The following NSD1 variants were observed in gnomAD, a reference collection of about 807,000 sequenced individuals.
NSD1 encodes the protein histone-lysine N-methyltransferase, H3 lysine-36 specific.
A neutral mutation model predicts 242.7 loss-of-function variants in NSD1; 26 were observed. That is an observed-to-expected ratio of 0.11 (90% confidence interval 0.08 to 0.15). The LOEUF (loss-of-function observed/expected upper bound fraction) is 0.15. NSD1 is among the 10% of genes least tolerant of loss of function. The pLI, the probability that NSD1 is intolerant of heterozygous loss-of-function variation, is 1.00. For missense variants in NSD1, 2,495 were observed against 3,272.8 expected (o/e 0.76, Z 5.80); for synonymous variants, 1,106 against 1,178.1 (o/e 0.94, Z 1.25).
chr5:177,276,132 G>A lies in NSD1; in HGVS notation c.5622+2348G>A, dbSNP rs192400992. Among the ~76,000 whole-genome samples, 436 of 152,160 alleles carry A rather than the reference G, an allele frequency of 2.9e-3. 7 individuals carry two copies. Among genetic ancestry groups the A allele is most frequent in the East Asian group, 1.4e-3 (7 of 5,168 alleles). ...TTTTGTAGAGTTGGGGTTTCACCATGTTGCCCAGGCTGGTCCTGAACTCCT... is the reference window on the plus strand; with the variant it reads ...TTTTGTAGAGTTGGGGTTTCACCATATTGCCCAGGCTGGTCCTGAACTCCT... On this transcript the variant is annotated intron_variant, in intron 17 of 22. Coordinates refer to ENST00000439151, the MANE Select transcript of NSD1 (RefSeq NM_022455.5).
At chr5:177,140,037 ATATTT>A (rs1385222981) in intron 2 of NSD1, among the ~76,000 whole-genome samples, 1 of 152,054 alleles carries the variant, frequency 6.6e-6, no homozygotes, top group Non-Finnish European at 1.5e-5. Context: ...AAGAAGGGTC[ATATTT>A]TCTGTTATTT....
intron 2 of NSD1, among the ~76,000 whole-genome samples, chr5:177,182,332 C>CA (rs1292188163): frequency 6.6e-6 from 1 of 152,064 alleles, no homozygotes; most frequent in Admixed American, 6.6e-5. Context: ...CAAAAACAAA[C>CA]AAACAAAAAA....
rs1760464508 is a variant in NSD1 at position 177,299,643 on chromosome 5, G to A, written c.*4184G>A. On this transcript the variant is annotated 3_prime_UTR_variant, in exon 23 of 23. Transcript: ENST00000439151. ...AGAAATCCACAACCTCGGAAGAAGT[G>A]TTTCGAGTTTAACATGCGCTGTTTC... 1 of 233,180 alleles carries A rather than the reference G, an allele frequency of 4.3e-6. No homozygotes were observed. The highest frequency in any genetic ancestry group is 6.0e-5 in the East Asian group (1 of 16,610). 14.4% of individuals were successfully genotyped at this position (233,180 alleles called of 1,614,324 possible).
intron 17 of NSD1, among the ~76,000 whole-genome samples, chr5:177,274,697 TTGTGTGTGTG>T (rs138385964): frequency 1.5e-4 from 22 of 145,444 alleles, no homozygotes; most frequent in Middle Eastern, 3.5e-3. Flanking sequence ...CACTTATCCT[TTGTGTGTGTG>T]TGTGTGTGTG....
chr5:177,248,334 T>C lies in NSD1; in HGVS notation c.4641+10T>C. On this transcript the variant is annotated intron_variant, in intron 11 of 22. Coordinates refer to ENST00000439151, the MANE Select transcript of NSD1 (RefSeq NM_022455.5). ...GGAGAATGTCTGTCAGGTAGAGAAA[T>C]GTTTGCCCACTTGTGTTTTCATTGC... The C allele has an allele frequency of 1.9e-6, 3 of 1,612,818 alleles. No individual in the cohort carries two copies. Among genetic ancestry groups the C allele is most frequent in the African/African-American group, 2.7e-5 (2 of 75,008 alleles).
At position 177,210,579 on chromosome 5, in the gene NSD1, A is replaced by T. The variant is rs545241994; in HGVS notation, c.2180A>T (p.Gln727Leu). ...KSAEPGTETS[Q>L]VNLSDLKAST... ...GCAGAGCCTGGAACCGAGACGTCTC[A>T]GGTTAATCTCTCTGATCTGAAGGCA... Residue 727 changes from glutamine to leucine, a missense_variant, in exon 5 of 23, where the codon CAG becomes CTG. Gln to Leu is a moderately radical substitution (Grantham distance 113, BLOSUM62 -2). Around this residue, in one of 19 missense-constraint regions of NSD1, gnomAD observed 515 missense variants for 467.0 expected, o/e 1.10. Transcript: ENST00000439151. 9.9e-6 allele frequency: 16 copies of T among 1,614,148 alleles called. No homozygotes were observed. In the South Asian group the frequency reaches 1.5e-4, roughly 16 times the overall value.
At chr5:177,266,105 G>A in intron 14 of NSD1, 1 of 1,124,096 alleles carries the variant, frequency 8.9e-7, no homozygotes, top group Non-Finnish European at 1.4e-6. Context: ...ATACAGTGTG[G>A]CCCGTTCTGG....
chr5:177,267,055 G>T (rs1757548594), intron 14 of NSD1, among the ~76,000 whole-genome samples: 1 of 152,190 alleles, frequency 6.6e-6, no homozygotes, highest in South Asian at 2.1e-4. Flanking sequence ...AGGGGGTTTC[G>T]CCCTGTTGGC....
At position 177,135,988 on chromosome 5, in the gene NSD1, A is replaced by G. The variant is rs749198688; in HGVS notation, c.885A>G (p.Leu295=). 6.2e-7 allele frequency: 1 copy of G among 1,614,134 alleles called. No homozygotes were observed. Among genetic ancestry groups the G allele is most frequent in the Non-Finnish European group, 8.5e-7 (1 of 1,180,030 alleles). The change falls in exon 2 of 23, where the codon TTA becomes TTG. Residue 295 remains leucine, a synonymous_variant. Transcript: ENST00000439151. ...GTACATTAGGAAACATGCTAGAATT[A>G]CCTGGAACTTCATCATCATCTACTT... ...STSTLGNMLE[L]PGTSSSSTSQ...
At chr5:177,154,915 C>G (rs377475790) in intron 2 of NSD1, among the ~76,000 whole-genome samples, 9 of 151,762 alleles carry the variant, frequency 5.9e-5, no homozygotes, top group African/African-American at 2.2e-4. Flanking sequence ...AGGCTGGTCT[C>G]GAACTCCTGA....
Position 177,244,270 on chromosome 5 carries a change from G to A in NSD1, c.4378G>A (p.Gly1460Ser). Residue 1460 changes from glycine (G) to serine (S), a missense_variant and splice_region_variant, in exon 9 of 23, where the codon GGC (glycine) becomes AGC (serine). Gly to Ser is a moderately conservative substitution (Grantham distance 56). Coordinates refer to ENST00000439151, the MANE Select transcript of NSD1 (RefSeq NM_022455.5). ...ATCTTATTCAAAAGATTTTGGTGGA[G>A]GTGAGTATTTTTGAGATTTAAAAAA... is the stretch of plus-strand genomic sequence containing the variant. ...ATSYSKDFGG[G>S]TTKIFDKPRK... 6.2e-7 allele frequency: 1 copy of A among 1,610,098 alleles called. No homozygotes were observed. Among genetic ancestry groups the A allele is most frequent in the Non-Finnish European group, 8.5e-7 (1 of 1,176,534 alleles).
chr5:177,227,531 C>G (rs1378546059), intron 5 of NSD1, among the ~76,000 whole-genome samples: 3 of 152,072 alleles, frequency 2.0e-5, no homozygotes, highest in Non-Finnish European at 4.4e-5. Context: ...ACTGCAACCT[C>G]CGCCTCCCGG....
chr5:177,248,459 A>G lies in NSD1; in HGVS notation c.4641+135A>G. ...GATTCCAGTGGAGTCACTTTCTTTA[A>G]GGATTTGACCCCTTTTTTTCTCCCC... On this transcript the variant is annotated intron_variant, in intron 11 of 22. Transcript: ENST00000439151. The G allele has an allele frequency of 5.0e-6, 6 of 1,189,970 alleles. No homozygotes were observed. The South Asian group carries it at 7.9e-5, about 16-fold the overall frequency. 73.7% of individuals were successfully genotyped at this position (1,189,970 alleles called of 1,614,324 possible).
chr5:177,283,946 A>T lies in NSD1; in HGVS notation c.6151+18A>T. 3 of 1,614,102 alleles carry T rather than the reference A, an allele frequency of 1.9e-6. No individual in the cohort carries two copies. The highest frequency in any genetic ancestry group is 3.3e-5 in the Admixed American group (2 of 60,024). ...TAAAGCAGGTAAGAATCATTTCAGG[A>T]TTCTGCAGCTGACATCTGAATTTCA... is the stretch of plus-strand genomic sequence containing the variant. On this transcript the variant is annotated intron_variant, in intron 20 of 22. Coordinates refer to ENST00000439151, the MANE Select transcript of NSD1 (RefSeq NM_022455.5).
In NSD1 at chr5:177,296,142, C is replaced by T. The variant is rs1271958944; in HGVS notation, c.*683C>T. The T allele has an allele frequency of 4.1e-6, 1 of 244,672 alleles. No individual in the cohort carries two copies. The highest frequency in any genetic ancestry group is 8.1e-6 in the Non-Finnish European group (1 of 124,100). The allele number at this position is 244,672 out of a possible 1,614,324, so 15.2% of individuals were successfully genotyped here. ...GGGTGCGTGTGCATGCGCGCACACT[C>T]ACAGAGGTCTCCTCTATAGATGCAA... On this transcript the variant is annotated 3_prime_UTR_variant, in exon 23 of 23. Coordinates refer to ENST00000439151, the MANE Select transcript of NSD1 (RefSeq NM_022455.5).
At chr5:177,192,774 G>A (rs181954331) in intron 3 of NSD1, among the ~76,000 whole-genome samples, 195 of 152,178 alleles carry the variant, frequency 1.3e-3, no homozygotes, top group African/African-American at 4.6e-3. Flanking sequence ...GAGGTGATCC[G>A]CCCGCCTTAG....
Position 177,207,580 on chromosome 5 carries a change from C to T in NSD1, c.1237-2056C>T, listed in dbSNP as rs921167997. Among the ~76,000 whole-genome samples the T allele has an allele frequency of 1.1e-4, 15 of 132,316 alleles. 1 individual carries two copies. Among genetic ancestry groups the T allele is most frequent in the African/African-American group, 5.1e-4 (15 of 29,322 alleles). The allele number at this position is 132,316 out of a possible 152,430, so 86.8% of individuals were successfully genotyped here. On this transcript the variant is annotated intron_variant, in intron 4 of 22. Transcript: ENST00000439151. Reference sequence around the variant, plus strand: ...TGCAGGCGTGAGCCACCGTGCCTGGCCTATTTATTTAAATTTTTTTTTTTT... The same window carrying T: ...TGCAGGCGTGAGCCACCGTGCCTGGTCTATTTATTTAAATTTTTTTTTTTT...
At chr5:177,285,661 G>C (rs1331784656) in intron 20 of NSD1, among the ~76,000 whole-genome samples, 1 of 151,174 alleles carries the variant, frequency 6.6e-6, no homozygotes, top group East Asian at 1.9e-4. Context: ...GCAAGGATAT[G>C]AGCAAAACAG....
At chr5:177,229,882 T>G (rs1303902090) in intron 5 of NSD1, 3 of 224,532 alleles carry the variant, frequency 1.3e-5, no homozygotes, top group Non-Finnish European at 2.8e-5. Context: ...TAGCTGCAAC[T>G]ACAGGTATGC....
Sources: allele counts gnomAD v4.1 joint callset (sites outside exome capture counted in the v4.1 genomes callset), GRCh38; gene constraint gnomAD v4.1.1; regional missense constraint gnomAD v4.1.1; transcripts MANE v1.5; gene names NCBI Gene and HGNC (gene_info 2026-07-23, HGNC 2026-07-21).